L3MBTL4: variants seen among roughly 807,000 people sequenced by gnomAD.
L3MBTL4 encodes the protein L3MBTL histone methyl-lysine binding protein 4.
A neutral mutation model predicts 84.5 loss-of-function variants in L3MBTL4; 70 were observed. That is an observed-to-expected ratio of 0.83 (90% CI 0.68 to 1.01). The LOEUF (loss-of-function observed/expected upper bound fraction) is 1.01, where lower values mean the gene tolerates loss of function less well. L3MBTL4 is among the 50% of genes least tolerant of loss of function. L3MBTL4 has a pLI of 0.00. For synonymous variants in L3MBTL4, 274 were observed against 259.8 expected (o/e 1.05, Z -0.52); for missense variants, 715 against 754.8 (o/e 0.95, Z 0.62).
chr18:6,266,008 T>C (rs577223345), intron 4 of L3MBTL4, among the ~76,000 whole-genome samples: 2 of 152,338 alleles, frequency 1.3e-5, no homozygotes, highest in South Asian at 2.1e-4. Flanking sequence ...GTGACGGATA[T>C]GTTAATTCAC....
chr18:6,237,924 A>C (rs2047283586), intron 10 of L3MBTL4, 40 bp downstream of exon 10: 2 of 1,504,794 alleles, frequency 1.3e-6, no homozygotes, highest in Non-Finnish European at 1.9e-6. Context: ...TGCCACTCAC[A>C]CAGAGATGAC....
At chr18:5,981,799 CA>C (rs1037392798) in intron 16 of L3MBTL4, among the ~76,000 whole-genome samples, 26 of 149,942 alleles carry the variant, frequency 1.7e-4, no homozygotes, top group African/African-American at 2.2e-4. Context: ...CATCTCATCT[CA>C]AAAAAAAAAT....
At chr18:6,263,365 C>A (rs2146374729) in intron 5 of L3MBTL4, among the ~76,000 whole-genome samples, 1 of 150,796 alleles carries the variant, frequency 6.6e-6, no homozygotes, top group African/African-American at 2.4e-5. Context: ...CCAAGAAGAA[C>A]AAAAAGACTA....
intron 10 of L3MBTL4, among the ~76,000 whole-genome samples, chr18:6,225,514 C>T (rs1027916739): frequency 2.6e-5 from 4 of 152,164 alleles, no homozygotes; most frequent in African/African-American, 4.8e-5. Flanking sequence ...AATCCCAGCA[C>T]TTTGGGAGGC....
chr18:6,275,992 A>C (rs1357210947), intron 4 of L3MBTL4, among the ~76,000 whole-genome samples: 2 of 152,184 alleles, frequency 1.3e-5, no homozygotes, highest in African/African-American at 4.8e-5. Flanking sequence ...ATTTGTCCAC[A>C]AGGAAATTCC....
At chr18:6,217,007 TA>T (rs2046354447) in intron 10 of L3MBTL4, among the ~76,000 whole-genome samples, 1 of 152,222 alleles carries the variant, frequency 6.6e-6, no homozygotes, top group Non-Finnish European at 1.5e-5. Context: ...AATCTAGCTA[TA>T]TTATGCAAAA....
intron 14 of L3MBTL4, among the ~76,000 whole-genome samples, chr18:6,124,899 G>GA (rs1281649767): frequency 1.3e-5 from 2 of 151,430 alleles, no homozygotes; most frequent in Admixed American, 6.6e-5. Flanking sequence ...AAAATGGAAG[G>GA]AAAAAAAGAG....
intron 14 of L3MBTL4, among the ~76,000 whole-genome samples, chr18:6,134,370 A>G (rs1203889119): frequency 1.3e-5 from 2 of 152,284 alleles, no homozygotes; most frequent in East Asian, 3.9e-4. Context: ...TCACATTTCA[A>G]AACCCATCAT....
At chr18:6,164,547 G>A (rs1052747189) in intron 13 of L3MBTL4, among the ~76,000 whole-genome samples, 7 of 152,202 alleles carry the variant, frequency 4.6e-5, no homozygotes, top group African/African-American at 9.6e-5. Flanking sequence ...TGCAGCCACC[G>A]CTGCTGATAC....
At chr18:6,233,324 A>T (rs2047076290) in intron 10 of L3MBTL4, among the ~76,000 whole-genome samples, 2 of 149,968 alleles carry the variant, frequency 1.3e-5, no homozygotes, top group Admixed American at 1.3e-4. Context: ...GGCCAAGGCA[A>T]TCAGGCAGGA....
At chr18:6,254,973 T>C (rs1454627893) in intron 5 of L3MBTL4, among the ~76,000 whole-genome samples, 1 of 152,194 alleles carries the variant, frequency 6.6e-6, no homozygotes, top group African/African-American at 2.4e-5. Flanking sequence ...ACACCATTCA[T>C]AATACAGGAC....
At chr18:5,964,150 C>T (rs770089089) in intron 17 of L3MBTL4, among the ~76,000 whole-genome samples, 4 of 152,238 alleles carry the variant, frequency 2.6e-5, no homozygotes, top group Non-Finnish European at 5.9e-5. Flanking sequence ...TTCTCAGGCA[C>T]GCAGTGTCCT....
chr18:6,107,363 G>A (rs2059044687), intron 14 of L3MBTL4, among the ~76,000 whole-genome samples: 1 of 152,142 alleles, frequency 6.6e-6, no homozygotes, highest in Non-Finnish European at 1.5e-5. Context: ...ACTGATCACA[G>A]ATTCAGTTGG....
chr18:6,226,959 G>A (rs2046808109), intron 10 of L3MBTL4, among the ~76,000 whole-genome samples: 1 of 152,044 alleles, frequency 6.6e-6, no homozygotes, highest in Admixed American at 6.6e-5. Flanking sequence ...TAGGTAAATT[G>A]TAGGTTAAAA....
chr18:6,277,149 A>T (rs1330706662), intron 4 of L3MBTL4, among the ~76,000 whole-genome samples: 790 of 64,068 alleles, frequency 0.012, 18 homozygotes, highest in African/African-American at 0.047. Context: ...GGGTGGGGGG[A>T]CGGGGGAGGG....
chr18:6,082,422 G>A (rs1458684260), intron 15 of L3MBTL4: 3 of 152,026 alleles, frequency 2.0e-5, no homozygotes, highest in East Asian at 3.9e-4. Context: ...AGAGAGCATG[G>A]GTCAAACAGG....
chr18:5,970,504 A>G (rs1055196619), intron 16 of L3MBTL4, among the ~76,000 whole-genome samples: 1 of 152,216 alleles, frequency 6.6e-6, no homozygotes, highest in African/African-American at 2.4e-5. Context: ...CTACAAATGG[A>G]TAAGGAGCAA....
At chr18:6,303,990 G>T (rs1163996031) in intron 3 of L3MBTL4, among the ~76,000 whole-genome samples, 14 of 146,062 alleles carry the variant, frequency 9.6e-5, no homozygotes, top group African/African-American at 3.4e-4. Flanking sequence ...CTCCAGCGTG[G>T]GCAACAAGAG....
chr18:6,201,298 C>T (rs912031356), intron 12 of L3MBTL4, among the ~76,000 whole-genome samples: 19 of 152,136 alleles, frequency 1.2e-4, no homozygotes, highest in African/African-American at 3.9e-4. Flanking sequence ...CGTTCAGACA[C>T]GGATTAAGAG....
Sources: allele counts gnomAD v4.1 joint callset (sites outside exome capture counted in the v4.1 genomes callset), GRCh38; gene constraint gnomAD v4.1.1; transcripts MANE v1.5; gene names NCBI Gene and HGNC (gene_info 2026-07-23, HGNC 2026-07-21).